Variants in TEX15 observed in about 807,000 individuals in gnomAD.
TEX15 encodes testis-expressed protein 15.
Under a neutral mutation model 237.3 loss-of-function variants are expected in TEX15, and 171 were observed. That is an observed-to-expected ratio of 0.72 (90% CI 0.64 to 0.82). The LOEUF (loss-of-function observed/expected upper bound fraction) is 0.82. Ranked by LOEUF, TEX15 falls within the 40% of genes least tolerant of loss-of-function variation. TEX15 has a pLI of 0.00. For missense variants in TEX15, 3,750 were observed against 3,646.5 expected (o/e 1.03, Z -0.73); for synonymous variants, 1,338 against 1,269.8 (o/e 1.05, Z -1.14).
At chr8:30,896,407 CA>C (rs1417402141) in intron 2 of TEX15, among the ~76,000 whole-genome samples, 2 of 151,990 alleles carry the variant, frequency 1.3e-5, no homozygotes, top group Non-Finnish European at 2.9e-5. Flanking sequence ...AACAGATTAC[CA>C]AATTCTGTTG....
intron 7 of TEX15, 128 bp from the exon 8 acceptor site, chr8:30,849,444 GTT>G: frequency 1.9e-6 from 1 of 523,904 alleles, no homozygotes; most frequent in Non-Finnish European, 3.2e-6. Context: ...ATTAAAATGT[GTT>G]TTCAACGGAA....
At position 30,843,159 on chromosome 8, in the gene TEX15, A is replaced by G; in HGVS notation, c.7008T>C (p.Thr2336=). ...PISPIGLEED[T]IIASRKSDHP... is the part of the protein sequence containing the mutation. ...GATCTGACTTTCTGGAAGCAATTAT[A>G]GTATCCTCCTCAAGCCCAATAGGGG... The change falls in exon 8 of 11, where the codon ACT becomes ACC. Residue 2336 remains threonine (T), a synonymous_variant. Transcript: ENST00000643185. 2 of 1,613,454 alleles carry G rather than the reference A, an allele frequency of 1.2e-6. No homozygotes were observed. Among genetic ancestry groups the G allele is most frequent in the Non-Finnish European group, 1.7e-6 (2 of 1,179,642 alleles).
In TEX15 at chr8:30,845,026, T is replaced by A; in HGVS notation, c.5141A>T (p.Lys1714Met). The A allele has an allele frequency of 6.2e-7, 1 of 1,613,648 alleles. No individual in the cohort carries two copies. The highest frequency in any genetic ancestry group is 1.1e-5 in the South Asian group (1 of 91,078). ...PLNLTLIASK[K>M]YSIPQLSAAA... ...GGCTGATAACTGAGGAATACTGTACTTTTTACTTGCTATCAAAGTTAGGTT... is the reference window on the plus strand; with the variant it reads ...GGCTGATAACTGAGGAATACTGTACATTTTACTTGCTATCAAAGTTAGGTT... The change falls in exon 8 of 11, where the codon AAG becomes ATG. Residue 1714 changes from lysine (K) to methionine (M), a missense_variant. Physicochemically the swap from Lys to Met is moderately conservative, Grantham distance 95. Coordinates refer to ENST00000643185, the MANE Select transcript of TEX15 (RefSeq NM_001350162.2).
chr8:30,907,441 T>C (rs924109835), intron 1 of TEX15, among the ~76,000 whole-genome samples: 1 of 119,912 alleles, frequency 8.3e-6, no homozygotes, highest in African/African-American at 4.4e-5. Context: ...AATTTATATA[T>C]ACAATGTATA....
chr8:30,855,271 T>C (rs1356174287), intron 7 of TEX15, among the ~76,000 whole-genome samples: 2 of 152,072 alleles, frequency 1.3e-5, no homozygotes, highest in South Asian at 2.1e-4. Flanking sequence ...TTACACAAAA[T>C]CAATTATATT....
At chr8:30,867,238 A>G in intron 5 of TEX15, 27 bp downstream of exon 5, 1 of 1,123,228 alleles carries the variant, frequency 8.9e-7, no homozygotes, top group Non-Finnish European at 1.3e-6. Context: ...CTGTCCATAT[A>G]CTTAATATTT....
intron 3 of TEX15, among the ~76,000 whole-genome samples, chr8:30,885,682 G>A (rs755423877): frequency 1.3e-5 from 2 of 152,082 alleles, no homozygotes; most frequent in African/African-American, 4.8e-5. Context: ...AATGTCTAAC[G>A]TGCTACTGTT....
At position 30,881,610 on chromosome 8, in the gene TEX15, CTTT is replaced by C. The variant is rs1164594718; in HGVS notation, c.136+5554_136+5556del. 2.7e-5 allele frequency among the ~76,000 whole-genome samples: 3 copies of C among 109,426 alleles called. 1 individual carries two copies. Among genetic ancestry groups the C allele is most frequent in the African/African-American group, 1.3e-4 (2 of 15,370 alleles). 71.8% of individuals were successfully genotyped at this position (109,426 alleles called of 152,430 possible). ...TTCATTAATTATCCTTCCATCTTGA[CTTT>C]TTATTTTTTTTTATTATTTTTTTTT... On this transcript the variant is annotated intron_variant, in intron 3 of 10. Coordinates refer to ENST00000643185, the MANE Select transcript of TEX15 (RefSeq NM_001350162.2).
At chr8:30,875,688 T>C (rs1808385522) in intron 3 of TEX15, among the ~76,000 whole-genome samples, 1 of 152,150 alleles carries the variant, frequency 6.6e-6, no homozygotes, top group Non-Finnish European at 1.5e-5. Flanking sequence ...TAATTGACTA[T>C]TGTTATTGGT....
In TEX15 at chr8:30,847,765, C is replaced by T; in HGVS notation, c.2402G>A (p.Arg801Lys). 3 of 1,613,578 alleles carry T rather than the reference C, an allele frequency of 1.9e-6. No homozygotes were observed. Among genetic ancestry groups the T allele is most frequent in the Non-Finnish European group, 2.5e-6 (3 of 1,179,900 alleles). Residue 801 changes from arginine (R) to lysine (K), a missense_variant, in exon 8 of 11, where the codon AGA becomes AAA. Physicochemically the swap from Arg to Lys is conservative, Grantham distance 26. Transcript: ENST00000643185. ...TTTCCTATGGACACATATATGTTCT[C>T]TAGTTATGCTGCAATTTGAACTGTC... Reference protein sequence around the residue: ...AHDSSNCSITREHICVHRKNE... With the variant: ...AHDSSNCSITKEHICVHRKNE...
At chr8:30,892,628 T>C (rs1808817317) in intron 2 of TEX15, among the ~76,000 whole-genome samples, 1 of 152,216 alleles carries the variant, frequency 6.6e-6, no homozygotes, top group South Asian at 2.1e-4. Context: ...TATAATTTTT[T>C]TCCCTGAGGG....
At chr8:30,868,757 T>C (rs1808228016) in intron 4 of TEX15, among the ~76,000 whole-genome samples, 1 of 151,910 alleles carries the variant, frequency 6.6e-6, no homozygotes, top group African/African-American at 2.4e-5. Flanking sequence ...TCTTACACTA[T>C]ACATAAAAGT....
At chr8:30,859,341 C>CT (rs1472489457) in intron 6 of TEX15, among the ~76,000 whole-genome samples, 14 of 151,894 alleles carry the variant, frequency 9.2e-5, no homozygotes, top group Non-Finnish European at 1.9e-4. Context: ...ATACATAAGC[C>CT]TTTTCTTTTT....
rs149415841 is a variant in TEX15 at position 30,843,289 on chromosome 8, T to C, written c.6878A>G (p.Gln2293Arg). The change falls in exon 8 of 11, where the codon CAA becomes CGA. Residue 2293 changes from glutamine (Q) to arginine (R), a missense_variant. Gln to Arg is a conservative substitution (Grantham distance 43, BLOSUM62 1). Transcript: ENST00000643185. ...RTQSFSKKYSQKKDEERLLRV... is the reference protein window; with the variant it reads ...RTQSFSKKYSRKKDEERLLRV... The stretch of plus-strand genomic sequence containing the variant: ...GAGTAGCCTTTCTTCGTCCTTCTTT[T>C]GTGAGTATTTTTTGCTGAAGGATTG... 5.6e-6 allele frequency: 9 copies of C among 1,611,508 alleles called. No homozygotes were observed. The East Asian group carries it at 2.0e-4, about 36-fold the overall frequency.
Position 30,845,086 on chromosome 8 carries a change from T to C in TEX15, c.5081A>G (p.Asn1694Ser), listed in dbSNP as rs323345. Residue 1694 changes from asparagine to serine, a missense_variant, in exon 8 of 11, where the codon AAC (asparagine) becomes AGC (serine). By Grantham distance (46) the Asn-to-Ser change is conservative (BLOSUM62 1). Transcript: ENST00000643185. ...CATAAGGAAGTTTCCTGTAATAATG[T>C]TTTGTTTGGGTCTCTCAATAGGATC... is the stretch of plus-strand genomic sequence containing the variant. ...WTDPIERPKQ[N>S]IITGNFLMGP... The C allele has an allele frequency of 0.16, 252,702 of 1,612,830 alleles. 35,440 individuals carry two copies. Among genetic ancestry groups the C allele is most frequent in the African/African-American group, 0.76 (56,854 of 74,884 alleles).
intron 2 of TEX15, among the ~76,000 whole-genome samples, chr8:30,891,969 A>C (rs1167190502): frequency 6.6e-6 from 1 of 152,064 alleles, no homozygotes; most frequent in Non-Finnish European, 1.5e-5. Flanking sequence ...TAAAAATTGT[A>C]TTTTCATTTT....
rs572867223 is a variant in TEX15, at chr8:30,840,490, C to T, written c.8164-526G>A. Among the ~76,000 whole-genome samples, 71 of 152,334 alleles carry T rather than the reference C, an allele frequency of 4.7e-4. 1 individual carries two copies. The South Asian group carries it at 5.4e-3, about 12-fold the overall frequency. Reference sequence around the variant, plus strand: ...GGATTACAGGCAAGAGCCACCACACCTGGCCCTTAAAACTAACCTTGAAGT... The same window carrying T: ...GGATTACAGGCAAGAGCCACCACACTTGGCCCTTAAAACTAACCTTGAAGT... On this transcript the variant is annotated intron_variant, in intron 8 of 10. Coordinates refer to ENST00000643185, the MANE Select transcript of TEX15 (RefSeq NM_001350162.2).
chr8:30,848,153 G>C lies in TEX15; in HGVS notation c.2014C>G (p.His672Asp). ...LHQEYKESESHNSFGKSCDKI... is the reference protein window; with the variant it reads ...LHQEYKESESDNSFGKSCDKI... Reference sequence around the variant, plus strand: ...TCACAGCTTTTCCCAAAAGAATTATGACTCTCACTCTCTTTGTATTCTTGG... The same window carrying C: ...TCACAGCTTTTCCCAAAAGAATTATCACTCTCACTCTCTTTGTATTCTTGG... The change falls in exon 8 of 11, where the codon CAT (histidine) becomes GAT (aspartate). Residue 672 changes from histidine (H) to aspartate (D), a missense_variant. By Grantham distance (81) the His-to-Asp change is moderately conservative. Coordinates refer to ENST00000643185, the MANE Select transcript of TEX15 (RefSeq NM_001350162.2). The C allele has an allele frequency of 6.2e-7, 1 of 1,609,664 alleles. No homozygotes were observed. Among genetic ancestry groups the C allele is most frequent in the Non-Finnish European group, 8.5e-7 (1 of 1,178,564 alleles).
chr8:30,911,916 C>G (rs1809227622), intron 1 of TEX15, among the ~76,000 whole-genome samples: 1 of 152,210 alleles, frequency 6.6e-6, no homozygotes, highest in African/African-American at 2.4e-5. Flanking sequence ...TGCACCCGCA[C>G]CACGCCGGGA....
Sources: gnomAD v4.1 joint callset for allele counts (sites outside exome capture counted in the v4.1 genomes callset) on GRCh38, gnomAD v4.1.1 for gene constraint, MANE v1.5 for transcripts, NCBI Gene and HGNC (gene_info 2026-07-23, HGNC 2026-07-21) for gene names.